Variants in ARFGEF1 observed in about 807,000 individuals in gnomAD.
ARFGEF1 encodes ARF guanine nucleotide exchange factor 1.
In ARFGEF1, 42 loss-of-function variants were observed where a neutral mutation model predicts 231.0. The observed-to-expected ratio is 0.18, with a 90% CI of 0.14 to 0.24. The LOEUF is 0.24. Among genes scored for constraint, ARFGEF1 ranks in the 10% least tolerant of loss-of-function variants. The pLI is 1.00. For synonymous variants in ARFGEF1, 710 were observed against 732.3 expected (o/e 0.97, Z 0.49); for missense variants, 1,345 against 2,192.0 (o/e 0.61, Z 7.72).
chr8:67,201,704 C>T lies in ARFGEF1; in HGVS notation c.5129-99G>A, dbSNP rs904107865. The T allele has an allele frequency of 4.1e-5, 62 of 1,498,216 alleles. No homozygotes were observed. In the Admixed American group the frequency reaches 6.8e-4, roughly 17 times the overall value. 92.8% of individuals were successfully genotyped at this position (1,498,216 alleles called of 1,614,324 possible). A position where few individuals can be genotyped will look rare whatever the true frequency, so the allele number is the denominator to read the frequency against. On this transcript the variant is annotated intron_variant, in intron 36 of 38. Transcript: ENST00000262215. ...GCACATTTTGTTTGTGCTCAGCCAT[C>T]AGCATCTGCTGCTTACAAAACGGAG... is the stretch of plus-strand genomic sequence containing the variant.
At position 67,253,473 on chromosome 8, in the gene ARFGEF1, G is replaced by A; in HGVS notation, c.2676C>T (p.Ile892=). 6.4e-7 allele frequency: 1 copy of A among 1,567,740 alleles called. No individual in the cohort carries two copies. The highest frequency in any genetic ancestry group is 1.1e-5 in the South Asian group (1 of 88,050). ...ISMKETKELT[I]PTKSSKQNVA... is the part of the protein sequence containing the mutation. ...TACTCTGTTTACTTGATTTTGTAGG[G>A]ATTGTTAGTTCTTTTGTTTCTTTCA... Residue 892 remains isoleucine, a synonymous_variant, in exon 18 of 39, where the codon ATC becomes ATT. Coordinates refer to ENST00000262215, the MANE Select transcript of ARFGEF1 (RefSeq NM_006421.5).
At chr8:67,265,125 T>C (rs1408715614) in intron 14 of ARFGEF1, among the ~76,000 whole-genome samples, 2 of 152,248 alleles carry the variant, frequency 1.3e-5, no homozygotes, top group East Asian at 1.9e-4. Flanking sequence ...GACTGAACAA[T>C]TAGAATTAAT....
chr8:67,266,730 C>A, intron 13 of ARFGEF1, 146 bp downstream of exon 13: 2 of 533,952 alleles, frequency 3.7e-6, no homozygotes, highest in Non-Finnish European at 6.3e-6. Flanking sequence ...AATTTTAAAG[C>A]TAGACATTTA....
In ARFGEF1 at chr8:67,343,727, G is replaced by A. The variant is rs2128942177; in HGVS notation, c.-440C>T. 4 of 516,458 alleles carry A rather than the reference G, an allele frequency of 7.7e-6. No homozygotes were observed. Among genetic ancestry groups the A allele is most frequent in the East Asian group, 1.5e-4 (1 of 6,874 alleles). The allele number at this position is 516,458 out of a possible 1,614,324, so 32.0% of individuals were successfully genotyped here. On this transcript the variant is annotated 5_prime_UTR_variant, in exon 1 of 39. Transcript: ENST00000262215. ...GTGGGGATTAGCACCCGCCGCGGCC[G>A]CGAACTGGCCCCCATCACCGCCGAC...
chr8:67,221,493 A>G (rs1320933870), intron 29 of ARFGEF1, among the ~76,000 whole-genome samples: 1 of 152,196 alleles, frequency 6.6e-6, no homozygotes, highest in East Asian at 1.9e-4. Flanking sequence ...ATAAAAATAG[A>G]AATAGAAAAA....
At chr8:67,238,950 TC>T in intron 20 of ARFGEF1, 57 bp from the exon 21 acceptor site, 1 of 1,344,690 alleles carries the variant, frequency 7.4e-7, no homozygotes. Flanking sequence ...ACTGATTAAT[TC>T]CCCACCAACA....
intron 1 of ARFGEF1, among the ~76,000 whole-genome samples, chr8:67,309,773 G>T (rs1039921203): frequency 6.6e-6 from 1 of 152,180 alleles, no homozygotes; most frequent in Admixed American, 6.5e-5. Context: ...ACAAAATCTT[G>T]TGAATGGTCT....
intron 9 of ARFGEF1, among the ~76,000 whole-genome samples, chr8:67,275,115 A>C (rs1805258070): frequency 6.6e-6 from 1 of 152,060 alleles, no homozygotes; most frequent in Non-Finnish European, 1.5e-5. Flanking sequence ...ACTCTATAGA[A>C]TTTTTTTAAA....
chr8:67,299,221 C>T lies in ARFGEF1; in HGVS notation c.447G>A (p.Leu149=), dbSNP rs1250209294. ...QGPQTDEGVQ[L]QIIKALLTAV... is the part of the protein sequence containing the mutation. ...ATATAATAATTACCTTTATTATCTG[C>T]AGCTGAACTCCTTCATCTGTCTGAG... The change falls in exon 4 of 39, where the codon CTG becomes CTA. Residue 149 remains leucine (L), a synonymous_variant. Transcript: ENST00000262215. The T allele has an allele frequency of 2.6e-6, 4 of 1,546,848 alleles. No homozygotes were observed. The highest frequency in any genetic ancestry group is 3.5e-6 in the Non-Finnish European group (4 of 1,148,438).
Position 67,238,454 on chromosome 8 carries a change from T to C in ARFGEF1, c.3178A>G (p.Ile1060Val), listed in dbSNP as rs1839834477. ...TATCGAGGTTTCACTCCAGTTCCTA[T>C]AAGCTGTGCCAGCTCCAACTGACTG... is the stretch of plus-strand genomic sequence containing the variant. ...CISQLELAQL[I>V]GTGVKPRYIS... The change falls in exon 22 of 39, where the codon ATA becomes GTA. Residue 1060 changes from isoleucine (I) to valine (V), a missense_variant. By Grantham distance (29) the Ile-to-Val change is conservative (BLOSUM62 3). Coordinates refer to ENST00000262215, the MANE Select transcript of ARFGEF1 (RefSeq NM_006421.5). The C allele has an allele frequency of 6.2e-7, 1 of 1,613,842 alleles. No homozygotes were observed. Among genetic ancestry groups the C allele is most frequent in the Non-Finnish European group, 8.5e-7 (1 of 1,179,920 alleles).
At chr8:67,325,223 C>T (rs529093801) in intron 1 of ARFGEF1, among the ~76,000 whole-genome samples, 1 of 143,348 alleles carries the variant, frequency 7.0e-6, no homozygotes, top group Admixed American at 7.0e-5. Flanking sequence ...GAAAAATCCA[C>T]TTTTTTTTTT....
In ARFGEF1 at chr8:67,251,412, A is replaced by T; in HGVS notation, c.2737T>A (p.Leu913Ile). The T allele has an allele frequency of 2.5e-6, 4 of 1,610,720 alleles. No homozygotes were observed. The highest frequency in any genetic ancestry group is 3.4e-6 in the Non-Finnish European group (4 of 1,178,084). ...GTCTTGGCCATCTGCTCCATTTCTA[A>T]GTTATACAGAAGTCTTCTTTGTTTT... ...SEKQRRLLYN[L>I]EMEQMAKTAK... The change falls in exon 19 of 39, where the codon TTA (leucine) becomes ATA (isoleucine). Residue 913 changes from leucine to isoleucine, a missense_variant. This residue lies in a region of ARFGEF1 where 9 missense variants were observed against 58.7 expected (regional missense o/e 0.15). Coordinates refer to ENST00000262215, the MANE Select transcript of ARFGEF1 (RefSeq NM_006421.5).
intron 1 of ARFGEF1, among the ~76,000 whole-genome samples, chr8:67,335,785 C>G (rs1420906668): frequency 6.6e-6 from 1 of 150,998 alleles, no homozygotes; most frequent in Non-Finnish European, 1.5e-5. Context: ...CTCGCACTGT[C>G]TCTCGGGCTG....
chr8:67,317,837 T>A (rs1807391903), intron 1 of ARFGEF1, among the ~76,000 whole-genome samples: 2 of 147,410 alleles, frequency 1.4e-5, no homozygotes, highest in African/African-American at 5.1e-5. Context: ...AAACAGAGCT[T>A]GCAGTGAACT....
In ARFGEF1 at chr8:67,222,223, A is replaced by ATGTG. The variant is rs753714999; in HGVS notation, c.4209-2664_4209-2663insCACA. On this transcript the variant is annotated intron_variant, in intron 29 of 38. Coordinates refer to ENST00000262215, the MANE Select transcript of ARFGEF1 (RefSeq NM_006421.5). ...TATATATACACACACATATATATATATGTATATGTATGTATGTATGTATGT... is the reference window on the plus strand; with the variant it reads ...TATATATACACACACATATATATATATGTGTGTATATGTATGTATGTATGTATGT... Among the ~76,000 whole-genome samples the ATGTG allele has an allele frequency of 4.9e-4, 47 of 96,396 alleles. 1 individual carries two copies. Among genetic ancestry groups the ATGTG allele is most frequent in the Admixed American group, 1.3e-3 (11 of 8,740 alleles). 63.2% of individuals were successfully genotyped at this position (96,396 alleles called of 152,430 possible).
At chr8:67,315,376 G>A (rs982149223) in intron 1 of ARFGEF1, among the ~76,000 whole-genome samples, 1 of 152,104 alleles carries the variant, frequency 6.6e-6, no homozygotes, top group Non-Finnish European at 1.5e-5. Context: ...TAAGGATACA[G>A]AACTGAACAC....
At chr8:67,338,057 T>C (rs1319889963) in intron 1 of ARFGEF1, among the ~76,000 whole-genome samples, 1 of 152,236 alleles carries the variant, frequency 6.6e-6, no homozygotes, top group Non-Finnish European at 1.5e-5. Context: ...CCCAAATTAT[T>C]TCCCATTCAC....
intron 10 of ARFGEF1, among the ~76,000 whole-genome samples, chr8:67,269,350 C>CTTTTT (rs796473421): frequency 2.3e-5 from 3 of 128,868 alleles, no homozygotes; most frequent in Non-Finnish European, 3.3e-5. Context: ...CCACGTTCAG[C>CTTTTT]TTTTTTTTTT....
intron 34 of ARFGEF1, among the ~76,000 whole-genome samples, chr8:67,206,726 C>G (rs1473874921): frequency 4.6e-5 from 7 of 152,194 alleles, no homozygotes; most frequent in African/African-American, 1.7e-4. Flanking sequence ...GACCACACGG[C>G]CACGCCTCCA....
Sources: allele counts gnomAD v4.1 joint callset (sites outside exome capture counted in the v4.1 genomes callset), GRCh38; gene constraint gnomAD v4.1.1; regional missense constraint gnomAD v4.1.1; transcripts MANE v1.5; gene names NCBI Gene and HGNC (gene_info 2026-07-23, HGNC 2026-07-21).